GOLGB1: variants seen among roughly 807,000 people sequenced by gnomAD.
The protein encoded by GOLGB1 is golgin subfamily B member 1.
GOLGB1 carries 174 observed loss-of-function variants against 336.9 expected under a neutral mutation model. That is an observed-to-expected ratio of 0.52 (90% CI 0.46 to 0.59). GOLGB1 has a LOEUF of 0.59. Ranked by LOEUF, GOLGB1 falls within the 20% of genes least tolerant of loss-of-function variation. The pLI, the probability that GOLGB1 is intolerant of heterozygous loss-of-function variation, is 0.00. For missense variants in GOLGB1, 3,331 were observed against 3,645.3 expected (o/e 0.91, Z 2.22); for synonymous variants, 1,208 against 1,289.2 (o/e 0.94, Z 1.35).
intron 1 of GOLGB1, among the ~76,000 whole-genome samples, chr3:121,735,699 T>A (rs927404796): frequency 2.0e-5 from 3 of 152,334 alleles, no homozygotes; most frequent in Admixed American, 6.5e-5. Flanking sequence ...TTTATTTTAA[T>A]ATATATGTAA....
chr3:121,691,953 T>C lies in GOLGB1; in HGVS notation c.7411A>G (p.Met2471Val). The change falls in exon 14 of 22, where the codon ATG becomes GTG. Residue 2471 changes from methionine (M) to valine (V), a missense_variant. By Grantham distance (21) the Met-to-Val change is conservative. Transcript: ENST00000614479. ...TCTCGATCATTTTGGAGAGAAGACA[T>C]GGATTTAACAAAGGAATCCAACTGT... is the stretch of plus-strand genomic sequence containing the variant. ...KAQLDSFVKS[M>V]SSLQNDRDRI... 6.2e-7 allele frequency: 1 copy of C among 1,614,170 alleles called. No individual in the cohort carries two copies. Among genetic ancestry groups the C allele is most frequent in the Non-Finnish European group, 8.5e-7 (1 of 1,180,012 alleles).
intron 11 of GOLGB1, among the ~76,000 whole-genome samples, chr3:121,700,928 A>C (rs764262467): frequency 9.9e-5 from 15 of 152,152 alleles, no homozygotes; most frequent in Non-Finnish European, 1.9e-4. Context: ...TTATGTGTAT[A>C]AACAGGTTTG....
chr3:121,696,748 G>C lies in GOLGB1; in HGVS notation c.3775C>G (p.Gln1259Glu). 1 of 1,614,080 alleles carries C rather than the reference G, an allele frequency of 6.2e-7. No individual in the cohort carries two copies. Among genetic ancestry groups the C allele is most frequent in the Non-Finnish European group, 8.5e-7 (1 of 1,179,980 alleles). Residue 1259 changes from glutamine (Q) to glutamate (E), a missense_variant, in exon 13 of 22, where the codon CAG (glutamine) becomes GAG (glutamate). Transcript: ENST00000614479. ...IDGKLPSTDQ[Q>E]ESCSSTPGLE... ...CCTGGAGTGGAAGAACACGATTCCT[G>C]CTGGTCTGTGCTTGGGAGTTTTCCG...
intron 5 of GOLGB1, among the ~76,000 whole-genome samples, chr3:121,724,098 A>T (rs1164001449): frequency 5.9e-5 from 9 of 152,170 alleles, no homozygotes; most frequent in Admixed American, 5.9e-4. Context: ...GTCATCGTTG[A>T]TAATGATTAT....
At chr3:121,743,518 C>G (rs185532447) in intron 1 of GOLGB1, among the ~76,000 whole-genome samples, 4 of 152,016 alleles carry the variant, frequency 2.6e-5, no homozygotes, top group African/African-American at 7.2e-5. Context: ...ATGTAAATGA[C>G]GAGTTGATGG....
Position 121,694,076 on chromosome 3 carries a change from T to G in GOLGB1, c.6447A>C (p.Lys2149Asn). ...HLKEKKNMQE[K>N]LDALRREKVH... ...CTTTTTCTCTGCGCAAAGCATCCAGTTTCTCTTGCATATTCTTCTTCTCTT... is the reference window on the plus strand; with the variant it reads ...CTTTTTCTCTGCGCAAAGCATCCAGGTTCTCTTGCATATTCTTCTTCTCTT... The change falls in exon 13 of 22, where the codon AAA becomes AAC. Residue 2149 changes from lysine to asparagine, a missense_variant. By Grantham distance (94) the Lys-to-Asn change is moderately conservative. Transcript: ENST00000614479. The G allele has an allele frequency of 6.2e-7, 1 of 1,614,070 alleles. No homozygotes were observed. Among genetic ancestry groups the G allele is most frequent in the Non-Finnish European group, 8.5e-7 (1 of 1,179,972 alleles).
intron 5 of GOLGB1, among the ~76,000 whole-genome samples, chr3:121,726,433 C>CAAAAAAAAAAAAAAAAAAA (rs10547964): frequency 1.6e-5 from 1 of 61,452 alleles, no homozygotes; most frequent in Non-Finnish European, 2.9e-5. Flanking sequence ...CACCCTGTCT[C>CAAAAAAAAAAAAAAAAAAA]AAAAAAAAAA....
At chr3:121,673,696 T>TCTATCC (rs1939905958) in intron 17 of GOLGB1, among the ~76,000 whole-genome samples, 1 of 124,664 alleles carries the variant, frequency 8.0e-6, no homozygotes, top group Non-Finnish European at 1.8e-5. Context: ...GCTATCTATC[T>TCTATCC]ATCTATCTAT....
chr3:121,715,111 A>G (rs150972489), intron 9 of GOLGB1, 135 bp from the exon 10 acceptor site: 7,484 of 579,318 alleles, frequency 0.013, 75 homozygotes, highest in Non-Finnish European at 0.015. Context: ...CAATGACAAC[A>G]TTATTATTAG....
Position 121,695,325 on chromosome 3 carries a change from A to G in GOLGB1, c.5198T>C (p.Leu1733Pro). ...TTCATACTCCATTTTGACCCTTTCA[A>G]GTTCTTCCTTCATGCTGGCATTGGA... ...LSSNASMKEE[L>P]ERVKMEYETL... Residue 1733 changes from leucine (L) to proline (P), a missense_variant, in exon 13 of 22, where the codon CTT (leucine) becomes CCT (proline). Coordinates refer to ENST00000614479, the MANE Select transcript of GOLGB1 (RefSeq NM_001366282.2). The G allele has an allele frequency of 6.2e-7, 1 of 1,614,112 alleles. No individual in the cohort carries two copies. The highest frequency in any genetic ancestry group is 8.5e-7 in the Non-Finnish European group (1 of 1,180,002).
intron 14 of GOLGB1, among the ~76,000 whole-genome samples, chr3:121,684,115 G>A (rs755362982): frequency 1.3e-4 from 12 of 93,724 alleles, no homozygotes; most frequent in South Asian, 3.9e-4. Context: ...ATGACAGAGC[G>A]AGACGCCGTC....
chr3:121,746,689 A>C (rs1053251073), intron 1 of GOLGB1, among the ~76,000 whole-genome samples: 1 of 152,152 alleles, frequency 6.6e-6, no homozygotes, highest in African/African-American at 2.4e-5. Flanking sequence ...CATGTTGGCC[A>C]GGCTGGTCTC....
intron 1 of GOLGB1, among the ~76,000 whole-genome samples, chr3:121,746,563 T>C (rs1368071984): frequency 6.6e-6 from 1 of 152,104 alleles, no homozygotes. Context: ...CTACAATCTC[T>C]GCCTCCTGGG....
At chr3:121,711,423 C>T (rs1003396131) in intron 10 of GOLGB1, among the ~76,000 whole-genome samples, 2 of 152,020 alleles carry the variant, frequency 1.3e-5, no homozygotes, top group African/African-American at 2.4e-5. Context: ...ACTAGTATCA[C>T]AGCCAATGGT....
chr3:121,710,557 G>C (rs1191112886), intron 10 of GOLGB1, among the ~76,000 whole-genome samples: 1 of 152,104 alleles, frequency 6.6e-6, no homozygotes, highest in African/African-American at 2.4e-5. Context: ...AATGTATTGG[G>C]GTTGGGTGTG....
At position 121,698,597 on chromosome 3, in the gene GOLGB1, T is replaced by G; in HGVS notation, c.1926A>C (p.Lys642Asn). The change falls in exon 13 of 22, where the codon AAA becomes AAC. Residue 642 changes from lysine to asparagine, a missense_variant. By Grantham distance (94) the Lys-to-Asn change is moderately conservative (BLOSUM62 0). Transcript: ENST00000614479. ...NEESSLPAVE[K>N]EQASTEHQSR... ...TTTGATGTTCAGTGCTCGCCTGTTCTTTTTCAACTGCTGGAAGACTGCTCT... is the reference window on the plus strand; with the variant it reads ...TTTGATGTTCAGTGCTCGCCTGTTCGTTTTCAACTGCTGGAAGACTGCTCT... 6.2e-7 allele frequency: 1 copy of G among 1,613,840 alleles called. No homozygotes were observed. The highest frequency in any genetic ancestry group is 8.5e-7 in the Non-Finnish European group (1 of 1,179,796).
At chr3:121,722,077 G>A (rs1945235695) in intron 6 of GOLGB1, among the ~76,000 whole-genome samples, 185 bp downstream of exon 6, 1 of 152,134 alleles carries the variant, frequency 6.6e-6, no homozygotes, top group South Asian at 2.1e-4. Context: ...GTTCCCTAAT[G>A]ACACACTTAC....
chr3:121,695,955 T>A lies in GOLGB1; in HGVS notation c.4568A>T (p.Lys1523Met). 1 of 1,614,090 alleles carries A rather than the reference T, an allele frequency of 6.2e-7. No individual in the cohort carries two copies. The highest frequency in any genetic ancestry group is 1.3e-5 in the African/African-American group (1 of 75,050). ...TTGGCTTTCCACATCTGCCAGAGACTTGGTGAGACGTTCAATGGTACCTCT... is the reference window on the plus strand; with the variant it reads ...TTGGCTTTCCACATCTGCCAGAGACATGGTGAGACGTTCAATGGTACCTCT... ...LARGTIERLT[K>M]SLADVESQVS... Residue 1523 changes from lysine to methionine, a missense_variant, in exon 13 of 22, where the codon AAG becomes ATG. Coordinates refer to ENST00000614479, the MANE Select transcript of GOLGB1 (RefSeq NM_001366282.2).
In GOLGB1 at chr3:121,696,578, C is replaced by T; in HGVS notation, c.3945G>A (p.Gln1315=). 6.2e-7 allele frequency: 1 copy of T among 1,614,146 alleles called. No homozygotes were observed. Among genetic ancestry groups the T allele is most frequent in the Non-Finnish European group, 8.5e-7 (1 of 1,180,006 alleles). The change falls in exon 13 of 22, where the codon CAG becomes CAA. Residue 1315 remains glutamine, a synonymous_variant. Coordinates refer to ENST00000614479, the MANE Select transcript of GOLGB1 (RefSeq NM_001366282.2). ...GGTSVAQIKA[Q]LKEIEAEKVE... is the part of the protein sequence containing the mutation. ...CTTTCTCAGCCTCTATTTCCTTCAGCTGGGCCTTAATCTGGGCAACAGAAG... is the reference window on the plus strand; with the variant it reads ...CTTTCTCAGCCTCTATTTCCTTCAGTTGGGCCTTAATCTGGGCAACAGAAG...
Sources: allele counts gnomAD v4.1 joint callset (sites outside exome capture counted in the v4.1 genomes callset), GRCh38; gene constraint gnomAD v4.1.1; transcripts MANE v1.5; gene names NCBI Gene and HGNC (gene_info 2026-07-23, HGNC 2026-07-21).